The following NUP188 variants were observed in gnomAD, a reference collection of about 807,000 sequenced individuals.
The protein encoded by NUP188 is nucleoporin 188, also known as nucleoporin NUP188.
Under a neutral mutation model 223.0 loss-of-function variants are expected in NUP188, and 97 were observed. The observed-to-expected ratio is 0.43, with a 90% CI of 0.37 to 0.51. The LOEUF (loss-of-function observed/expected upper bound fraction) is 0.51. Among genes scored for constraint, NUP188 ranks in the 20% least tolerant of loss-of-function variants. The pLI is 0.00. For synonymous variants in NUP188, 869 were observed against 828.0 expected, an observed-to-expected ratio of 1.05 and a Z score of -0.85; for missense variants, 1,947 against 2,175.6, an observed-to-expected ratio of 0.89 and a Z score of 2.09.
At chr9:128,994,769 TG>T (rs1842490878) in intron 28 of NUP188, 86 bp from the exon 29 acceptor site, 1 of 1,106,506 alleles carries the variant, frequency 9.0e-7, no homozygotes, top group African/African-American at 1.6e-5. Flanking sequence ...CTGCAAGTGT[TG>T]GGCCCCTGCT....
chr9:128,974,069 C>A (rs1182638637), intron 12 of NUP188, among the ~76,000 whole-genome samples: 2 of 152,038 alleles, frequency 1.3e-5, no homozygotes, highest in Non-Finnish European at 2.9e-5. Flanking sequence ...TGCCACCGCG[C>A]CCGGCTAATT....
chr9:128,976,548 G>A (rs1305200042), intron 12 of NUP188, among the ~76,000 whole-genome samples: 2 of 152,044 alleles, frequency 1.3e-5, no homozygotes, highest in African/African-American at 2.4e-5. Context: ...GCAGGCGCCT[G>A]TAATCCCAGC....
At chr9:128,965,985 T>G (rs953222216) in intron 8 of NUP188, among the ~76,000 whole-genome samples, 2 of 150,642 alleles carry the variant, frequency 1.3e-5, no homozygotes, top group African/African-American at 4.9e-5. Flanking sequence ...TTAGTAGAGA[T>G]GGGGTCTCAC....
intron 25 of NUP188, among the ~76,000 whole-genome samples, chr9:128,992,185 C>T (rs778979126): frequency 1.2e-4 from 18 of 151,358 alleles, no homozygotes; most frequent in Non-Finnish European, 2.4e-4. Flanking sequence ...CATGAGCCAC[C>T]GCGCCCAGCC....
intron 16 of NUP188, 29 bp from the exon 17 acceptor site, chr9:128,982,873 G>C: frequency 1.2e-6 from 2 of 1,613,568 alleles, no homozygotes; most frequent in East Asian, 4.5e-5. Flanking sequence ...GTTGTTTGCC[G>C]TGAGGTCACA....
chr9:128,983,431 C>T (rs763754335), intron 18 of NUP188, 43 bp from the exon 19 acceptor site: 1 of 1,603,626 alleles, frequency 6.2e-7, no homozygotes, highest in Admixed American at 1.7e-5. Flanking sequence ...TTGGCACATA[C>T]CTGAAGATAT....
At chr9:128,997,207 G>A (rs1362621646) in intron 30 of NUP188, among the ~76,000 whole-genome samples, 2 of 152,148 alleles carry the variant, frequency 1.3e-5, no homozygotes, top group Non-Finnish European at 2.9e-5. Flanking sequence ...ACTTGCAAGT[G>A]CAAAGTTCCA....
rs574572851 is a variant in NUP188, at chr9:129,002,520, G to GC, written c.4138-296dup. Among the ~76,000 whole-genome samples the GC allele has an allele frequency of 1.4e-3, 211 of 152,352 alleles. 1 individual carries two copies. Among genetic ancestry groups the GC allele is most frequent in the African/African-American group, 4.5e-3 (187 of 41,578 alleles). On this transcript the variant is annotated intron_variant, in intron 36 of 43. Transcript: ENST00000372577. ...GTGAAGTATTTGGTCATCTAGCCCA[G>GC]CTACCCCTTAGAGGAAGTATGTAGG...
chr9:128,994,823 A>G (rs1383352293), intron 28 of NUP188, 33 bp from the exon 29 acceptor site: 2 of 1,561,244 alleles, frequency 1.3e-6, no homozygotes, highest in East Asian at 2.2e-5. Flanking sequence ...GTGATCAGAG[A>G]TGTGATAATT....
In NUP188 at chr9:128,990,555, A is replaced by G. The variant is rs189638555; in HGVS notation, c.2640+329A>G. ...AACCTGGCCAAGATGGTGAAACCCT[A>G]TCTCTCCTAAAAATACAAAAATTAG... On this transcript the variant is annotated intron_variant, in intron 25 of 43. Transcript: ENST00000372577. Among the ~76,000 whole-genome samples the G allele has an allele frequency of 1.2e-3, 185 of 151,808 alleles. 1 individual carries two copies. The highest frequency in any genetic ancestry group is 1.4e-3 in the Non-Finnish European group (95 of 67,914).
chr9:128,979,398 T>C, intron 13 of NUP188, 71 bp downstream of exon 13: 1 of 1,103,134 alleles, frequency 9.1e-7, no homozygotes, highest in Non-Finnish European at 1.4e-6. Context: ...ACAGGTTTTG[T>C]ACTAAGCATT....
intron 12 of NUP188, among the ~76,000 whole-genome samples, chr9:128,975,597 T>A (rs990967366): frequency 2.7e-5 from 4 of 150,878 alleles, no homozygotes; most frequent in Non-Finnish European, 4.4e-5. Context: ...CTCCACTCAC[T>A]TCAAGTCTGC....
At chr9:128,978,304 C>G (rs1842206683) in intron 12 of NUP188, among the ~76,000 whole-genome samples, 1 of 152,040 alleles carries the variant, frequency 6.6e-6, no homozygotes, top group South Asian at 2.1e-4. Context: ...GGTCTCACAC[C>G]TGTAATCCCA....
chr9:128,955,442 G>C (rs910336013), intron 3 of NUP188, among the ~76,000 whole-genome samples: 25 of 152,070 alleles, frequency 1.6e-4, no homozygotes, highest in Admixed American at 1.5e-3. Context: ...AAAGTGCTGG[G>C]ATTACAGGCA....
At chr9:128,996,107 G>A (rs185120123) in intron 30 of NUP188, among the ~76,000 whole-genome samples, 66 of 152,118 alleles carry the variant, frequency 4.3e-4, no homozygotes, top group African/African-American at 1.4e-3. Flanking sequence ...TGTATCATAA[G>A]GACTTGGTAT....
At chr9:128,988,002 A>T in intron 23 of NUP188, 45 bp from the exon 24 acceptor site, 1 of 1,603,506 alleles carries the variant, frequency 6.2e-7, no homozygotes, top group Non-Finnish European at 8.5e-7. Context: ...TTGCGAATGA[A>T]GTCATACTGT....
rs368642098 is a variant in NUP188 at position 128,998,107 on chromosome 9, C to G, written c.3352-44C>G. 17 of 1,457,636 alleles carry G rather than the reference C, an allele frequency of 1.2e-5. No individual in the cohort carries two copies. The African/African-American group carries it at 1.7e-4, about 14-fold the overall frequency. The allele number at this position is 1,457,636 out of a possible 1,614,324, so 90.3% of individuals were successfully genotyped here. On this transcript the variant is annotated intron_variant, in intron 30 of 43. Transcript: ENST00000372577. ...CCCCATGTTTCTTGGCCTCTAAAAT[C>G]TGGAAAATTTTCCCAGCTGAAACCT... is the stretch of plus-strand genomic sequence containing the variant.
In NUP188 at chr9:128,986,563, A is replaced by C. The variant is rs750513083; in HGVS notation, c.2082A>C (p.Gln694His). Residue 694 changes from glutamine (Q) to histidine (H), a missense_variant, in exon 21 of 44, where the codon CAA becomes CAC. Gln to His is a conservative substitution (Grantham distance 24). This residue lies in a region of NUP188 where 817 missense variants were observed against 865.8 expected (regional missense o/e 0.94). Transcript: ENST00000372577. The stretch of plus-strand genomic sequence containing the variant: ...CACTGCATGGTTTCTTGTAGGGGCA[A>C]CTTGGTAGTACCCAGAGCCAAGGAC... The part of the protein sequence containing the change: ...LRLITTLVKG[Q>H]LGSTQSQGLV... The C allele has an allele frequency of 1.2e-6, 2 of 1,613,476 alleles. No individual in the cohort carries two copies. Among genetic ancestry groups the C allele is most frequent in the Non-Finnish European group, 1.7e-6 (2 of 1,179,798 alleles).
rs1220697527 is a variant in NUP188 at position 128,986,866 on chromosome 9, T to A, written c.2255T>A (p.Leu752Gln). 2 of 1,613,918 alleles carry A rather than the reference T, an allele frequency of 1.2e-6. No individual in the cohort carries two copies. Among genetic ancestry groups the A allele is most frequent in the African/African-American group, 2.7e-5 (2 of 74,926 alleles). The stretch of plus-strand genomic sequence containing the variant: ...CTGAACCTGTGCCACGAGACAGACC[T>A]GCACAGCAGGTAATGAAGGGTTGAT... ...AILNLCHETDLHSSHTPSLQF... is the reference protein window; with the variant it reads ...AILNLCHETDQHSSHTPSLQF... Residue 752 changes from leucine to glutamine, a missense_variant, in exon 22 of 44, where the codon CTG becomes CAG. Around this residue, in one of 3 missense-constraint regions of NUP188, gnomAD observed 225 missense variants for 319.1 expected, o/e 0.71. Transcript: ENST00000372577.
Sources: gnomAD v4.1 joint callset for allele counts (sites outside exome capture counted in the v4.1 genomes callset) on GRCh38, gnomAD v4.1.1 for gene constraint, gnomAD v4.1.1 regional missense constraint, MANE v1.5 for transcripts, NCBI Gene and HGNC (gene_info 2026-07-23, HGNC 2026-07-21) for gene names.